The following SLC22A16 variants were observed in gnomAD, a reference collection of about 807,000 sequenced individuals.
SLC22A16 encodes solute carrier family 22 member 16, also known as WUGSC:RG331P03.1.
In SLC22A16, 53 loss-of-function variants were observed where a neutral mutation model predicts 52.9. The ratio of observed to expected loss-of-function variants is 1.00; its 90% CI spans 0.80 to 1.26. The LOEUF (loss-of-function observed/expected upper bound fraction) is 1.26, where lower values mean the gene tolerates loss of function less well. Among genes scored for constraint, SLC22A16 ranks in the 50% most tolerant of loss-of-function variants. The pLI, the probability that SLC22A16 is intolerant of heterozygous loss-of-function variation, is 0.00. For synonymous variants in SLC22A16, 291 were observed against 268.8 expected, an observed-to-expected ratio of 1.08 and a Z score of -0.81; for missense variants, 726 against 704.0, an observed-to-expected ratio of 1.03 and a Z score of -0.35.
chr6:110,436,835 T>C (rs1774751030), intron 5 of SLC22A16, among the ~76,000 whole-genome samples: 1 of 152,182 alleles, frequency 6.6e-6, no homozygotes, highest in African/African-American at 2.4e-5. Flanking sequence ...TTATTCTCCC[T>C]AATGTGTTCC....
At chr6:110,458,004 A>T (rs1372248618) in intron 1 of SLC22A16, among the ~76,000 whole-genome samples, 1 of 152,136 alleles carries the variant, frequency 6.6e-6, no homozygotes, top group African/African-American at 2.4e-5. Flanking sequence ...TCTCCCTGTG[A>T]TGCTGTGCTT....
intron 4 of SLC22A16, 105 bp downstream of exon 4, chr6:110,442,139 A>G (rs1217149628): frequency 1.8e-5 from 20 of 1,130,298 alleles, no homozygotes; most frequent in African/African-American, 3.1e-5. Context: ...TAAAGGGCCT[A>G]TTAAAAACAT....
At chr6:110,425,973 A>C (rs1368390128) in intron 7 of SLC22A16, among the ~76,000 whole-genome samples, 1 of 152,246 alleles carries the variant, frequency 6.6e-6, no homozygotes, top group Non-Finnish European at 1.5e-5. Context: ...ATAAATCTAC[A>C]CACTTGGTAT....
chr6:110,458,194 C>A (rs541825505), intron 1 of SLC22A16, among the ~76,000 whole-genome samples: 14 of 152,276 alleles, frequency 9.2e-5, no homozygotes, highest in East Asian at 7.7e-4. Context: ...CAGGGAAGGG[C>A]CCCCTGTCCA....
rs184922118 is a variant in SLC22A16, at chr6:110,442,477, G to A, written c.950C>T (p.Ala317Val). The A allele has an allele frequency of 1.2e-6, 2 of 1,614,188 alleles. No homozygotes were observed. Among genetic ancestry groups the A allele is most frequent in the South Asian group, 2.2e-5 (2 of 91,078 alleles). ...IVDIMAKWNR[A>V]SSCKLSELLS... is the part of the protein sequence containing the mutation. ...AAGTTCTGACAGTTTACAGGAGCTTGCCCTGTTCCACTTGGCCATGATGTC... is the reference window on the plus strand; with the variant it reads ...AAGTTCTGACAGTTTACAGGAGCTTACCCTGTTCCACTTGGCCATGATGTC... Residue 317 changes from alanine to valine, a missense_variant, in exon 4 of 8, where the codon GCA becomes GTA. Ala to Val is a moderately conservative substitution (Grantham distance 64). Coordinates refer to ENST00000368919, the MANE Select transcript of SLC22A16 (RefSeq NM_033125.4).
intron 2 of SLC22A16, among the ~76,000 whole-genome samples, chr6:110,454,648 T>TTG (rs1775527791): frequency 6.4e-5 from 3 of 46,922 alleles, no homozygotes; most frequent in East Asian, 1.5e-3. Flanking sequence ...ATTATATATT[T>TTG]TATATATATT....
In SLC22A16 at chr6:110,473,668, G is replaced by A. The variant is rs1456000174; in HGVS notation, c.53+2854C>T. ...GCCTCCCAAGTAGCTGGGACCACAGGCCCCCGCCACCATGCCAGGCTCATT... is the reference window on the plus strand; with the variant it reads ...GCCTCCCAAGTAGCTGGGACCACAGACCCCCGCCACCATGCCAGGCTCATT... On this transcript the variant is annotated intron_variant, in intron 1 of 7. Transcript: ENST00000368919. Among the ~76,000 whole-genome samples the A allele has an allele frequency of 2.7e-5, 4 of 149,930 alleles. No individual in the cohort carries two copies. In the South Asian group the frequency reaches 8.5e-4, roughly 32 times the overall value.
chr6:110,471,423 A>T (rs1050357281), intron 1 of SLC22A16, among the ~76,000 whole-genome samples: 6 of 152,200 alleles, frequency 3.9e-5, no homozygotes, highest in African/African-American at 1.4e-4. Context: ...ATATAACCCT[A>T]CCCTAAAAGA....
rs148275025 is a variant in SLC22A16, at chr6:110,424,905, T to A, written c.1702A>T (p.Ile568Phe). The A allele has an allele frequency of 3.7e-6, 6 of 1,614,002 alleles. No homozygotes were observed. Among genetic ancestry groups the A allele is most frequent in the Middle Eastern group, 1.6e-4 (1 of 6,084 alleles). ...NNSGLEKTEA[I>F]TPRDSGLGE Reference sequence around the variant, plus strand: ...CCAAGACCAGAATCCCTGGGGGTAATCGCTTCCGTTTTTTCCAGCCCACTA... The same window carrying A: ...CCAAGACCAGAATCCCTGGGGGTAAACGCTTCCGTTTTTTCCAGCCCACTA... Residue 568 changes from isoleucine (I) to phenylalanine (F), a missense_variant, in exon 8 of 8, where the codon ATT becomes TTT. Coordinates refer to ENST00000368919, the MANE Select transcript of SLC22A16 (RefSeq NM_033125.4).
intron 1 of SLC22A16, among the ~76,000 whole-genome samples, chr6:110,473,971 T>C (rs1290473358): frequency 6.6e-6 from 1 of 152,086 alleles, no homozygotes. Flanking sequence ...TGTTAGAAAC[T>C]GGACCACACA....
At chr6:110,457,099 T>A in intron 1 of SLC22A16, 82 bp from the exon 2 acceptor site, 1 of 1,344,882 alleles carries the variant, frequency 7.4e-7, no homozygotes, top group South Asian at 1.6e-5. Flanking sequence ...GTCTCCATCA[T>A]GTTTATCTTA....
chr6:110,424,881 C>T lies in SLC22A16; in HGVS notation c.1726G>A (p.Gly576Ser). 6.2e-7 allele frequency: 1 copy of T among 1,614,068 alleles called. No individual in the cohort carries two copies. Among genetic ancestry groups the T allele is most frequent in the South Asian group, 1.1e-5 (1 of 91,074 alleles). Residue 576 changes from glycine to serine, a missense_variant, in exon 8 of 8, where the codon GGT becomes AGT. Physicochemically the swap from Gly to Ser is moderately conservative, Grantham distance 56. Coordinates refer to ENST00000368919, the MANE Select transcript of SLC22A16 (RefSeq NM_033125.4). ...CAGCAGGCATGGCACATTTATTCAC[C>T]AAGACCAGAATCCCTGGGGGTAATC... ...EAITPRDSGLGE is the reference protein window; with the variant it reads ...EAITPRDSGLSE
chr6:110,441,582 A>T (rs1774966149), intron 4 of SLC22A16, among the ~76,000 whole-genome samples: 1 of 152,232 alleles, frequency 6.6e-6, no homozygotes, highest in South Asian at 2.1e-4. Context: ...TTTGCTTGTT[A>T]GCTTTCTGGA....
intron 1 of SLC22A16, among the ~76,000 whole-genome samples, chr6:110,461,134 G>T (rs1012501827): frequency 6.6e-6 from 1 of 152,082 alleles, no homozygotes; most frequent in Non-Finnish European, 1.5e-5. Context: ...TTTCAGAAAA[G>T]GCAGGGCCCA....
chr6:110,475,904 C>A, intron 1 of SLC22A16: 1 of 456,628 alleles, frequency 2.2e-6, no homozygotes, highest in Non-Finnish European at 4.4e-6. Flanking sequence ...ACCCCGCCAG[C>A]TTGTTTCCCA....
At position 110,431,185 on chromosome 6, in the gene SLC22A16, T is replaced by C. The variant is rs148780590; in HGVS notation, c.1507A>G (p.Ile503Val). Residue 503 changes from isoleucine (I) to valine (V), a missense_variant, in exon 7 of 8, where the codon ATC becomes GTC. By Grantham distance (29) the Ile-to-Val change is conservative (BLOSUM62 3). Transcript: ENST00000368919. ...CTGAAGCACACCTGTGGTATGAAGA[T>C]CCAAATGCTGCTGAGGTCCACAGAG... ...PFSVDLSSIWIFIPQLFVGTM... is the reference protein window; with the variant it reads ...PFSVDLSSIWVFIPQLFVGTM... 7 of 1,613,718 alleles carry C rather than the reference T, an allele frequency of 4.3e-6. No homozygotes were observed. In the African/African-American group the frequency reaches 6.7e-5, roughly 15 times the overall value.
chr6:110,429,303 C>T (rs910037314), intron 7 of SLC22A16, among the ~76,000 whole-genome samples: 18 of 152,108 alleles, frequency 1.2e-4, no homozygotes, highest in Admixed American at 1.2e-3. Flanking sequence ...GATCTAACAC[C>T]CCAATGGCAC....
rs185662445 is a variant in SLC22A16, at chr6:110,446,742, C to T, written c.651+131G>A. The stretch of plus-strand genomic sequence containing the variant: ...AAGGCATTGGTATTCTGTAGGCAGA[C>T]TTCTGCAGTGGAGTGGACAAAGATG... On this transcript the variant is annotated intron_variant, in intron 3 of 7. Transcript: ENST00000368919. The T allele has an allele frequency of 3.7e-5, 29 of 782,876 alleles. No individual in the cohort carries two copies. In the East Asian group the frequency reaches 6.2e-4, roughly 17 times the overall value. The allele number at this position is 782,876 out of a possible 1,614,324, so 48.5% of individuals were successfully genotyped here.
rs1289257074 is a variant in SLC22A16, at chr6:110,456,798, C to T, written c.273G>A (p.Gln91=). The T allele has an allele frequency of 1.2e-6, 2 of 1,614,104 alleles. No homozygotes were observed. Among genetic ancestry groups the T allele is most frequent in the African/African-American group, 1.3e-5 (1 of 74,922 alleles). ...TTGAGAGCTCCCAGATCTCACCATT[C>T]TGCAACTGCACCGTAACATAATCTT... ...GQKDYVTVQL[Q]NGEIWELSRC... The change falls in exon 2 of 8, where the codon CAG becomes CAA. Residue 91 remains glutamine, a synonymous_variant. Transcript: ENST00000368919.
Sources: allele counts gnomAD v4.1 joint callset (sites outside exome capture counted in the v4.1 genomes callset), GRCh38; gene constraint gnomAD v4.1.1; transcripts MANE v1.5; gene names NCBI Gene and HGNC (gene_info 2026-07-23, HGNC 2026-07-21).